Variants in LRIG2 observed in about 807,000 individuals in gnomAD.
The protein encoded by LRIG2 is leucine-rich repeats and immunoglobulin-like domains protein 2.
Under a neutral mutation model 107.8 loss-of-function variants are expected in LRIG2, and 93 were observed. The observed-to-expected ratio is 0.86, with a 90% CI of 0.73 to 1.03. The LOEUF is 1.03. Among genes scored for constraint, LRIG2 ranks in the 50% least tolerant of loss-of-function variants. The probability of loss-of-function intolerance (pLI) is 0.00; values close to 1 mark genes in which losing one functional copy is unlikely to be tolerated. For missense variants in LRIG2, 1,226 were observed against 1,296.0 expected, an observed-to-expected ratio of 0.95 and a Z score of 0.83; for synonymous variants, 471 against 470.6, an observed-to-expected ratio of 1.00 and a Z score of -0.01.
chr1:113,108,939 T>A (rs1330504817), intron 12 of LRIG2, among the ~76,000 whole-genome samples: 1 of 152,194 alleles, frequency 6.6e-6, no homozygotes, highest in African/African-American at 2.4e-5. Flanking sequence ...ATAGGAGAAC[T>A]TTTAGATCAG....
intron 11 of LRIG2, among the ~76,000 whole-genome samples, chr1:113,104,537 A>AGAT (rs1303524200): frequency 2.1e-5 from 3 of 143,304 alleles, no homozygotes; most frequent in Non-Finnish European, 4.5e-5. Flanking sequence ...TTTTTTTTTG[A>AGAT]GATGGAGTCT....
chr1:113,107,687 A>T lies in LRIG2; in HGVS notation c.1407A>T (p.Val469=). The T allele has an allele frequency of 1.2e-6, 2 of 1,613,690 alleles. No homozygotes were observed. The highest frequency in any genetic ancestry group is 2.2e-5 in the South Asian group (2 of 91,040). ...ATAACTTTCAACATTCTGTGAATGT[A>T]AGCTGTGCACACCCTGAATGGCTAG... ...VDNNFQHSVN[V]SCAHPEWLAG... is the part of the protein sequence containing the mutation. Residue 469 remains valine (V), a synonymous_variant, in exon 12 of 18, where the codon GTA becomes GTT. Coordinates refer to ENST00000361127, the MANE Select transcript of LRIG2 (RefSeq NM_014813.3).
At chr1:113,106,943 T>G (rs1654565849) in intron 11 of LRIG2, among the ~76,000 whole-genome samples, 1 of 152,156 alleles carries the variant, frequency 6.6e-6, no homozygotes, top group African/African-American at 2.4e-5. Context: ...CCTCAAAAAT[T>G]TAAAGGAAGG....
intron 2 of LRIG2, among the ~76,000 whole-genome samples, chr1:113,091,832 T>G (rs1185684055): frequency 6.6e-6 from 1 of 152,252 alleles, no homozygotes; most frequent in Non-Finnish European, 1.5e-5. Flanking sequence ...GTTTTTCTCT[T>G]AACTAAAGTT....
Position 113,100,275 on chromosome 1 carries a change from G to T in LRIG2, c.1237G>T (p.Glu413Ter), listed in dbSNP as rs1399525051. ...KKAFIGLESL[E>*]HLDLNNNAIM... is the part of the protein sequence containing the mutation. ...AGCATTCATTGGTCTTGAATCCCTT[G>T]AGCATCTGTAAGTATTTTGCATACA... The change falls in exon 10 of 18, where the codon GAG becomes TAG. Residue 413 changes from glutamate to a stop codon, truncating the protein, a stop_gained. Transcript: ENST00000361127. LOFTEE classifies it high-confidence loss of function. The T allele has an allele frequency of 5.0e-6, 8 of 1,587,844 alleles. No individual in the cohort carries two copies. The highest frequency in any genetic ancestry group is 1.3e-5 in the African/African-American group (1 of 74,466).
intron 1 of LRIG2, among the ~76,000 whole-genome samples, chr1:113,084,213 C>T (rs199521999): frequency 1.3e-4 from 16 of 120,886 alleles, no homozygotes; most frequent in East Asian, 7.4e-4. Context: ...TTACTTAATT[C>T]TTTTTTTTTT....
rs1243012443 is a variant in LRIG2, at chr1:113,095,923, G to A, written c.853G>A (p.Gly285Ser). 1 of 1,614,226 alleles carries A rather than the reference G, an allele frequency of 6.2e-7. No homozygotes were observed. Among genetic ancestry groups the A allele is most frequent in the Non-Finnish European group, 8.5e-7 (1 of 1,180,040 alleles). Residue 285 changes from glycine to serine, a missense_variant, in exon 7 of 18, where the codon GGC becomes AGC. Around this residue, in one of 3 missense-constraint regions of LRIG2, gnomAD observed 570 missense variants for 550.2 expected, o/e 1.04. Transcript: ENST00000361127. ...ACGAGTAAACAAGGGGTGGTTGTAT[G>A]GCTTGCGAATGTTACAGCAGCTCTA... is the stretch of plus-strand genomic sequence containing the variant. ...LTRVNKGWLY[G>S]LRMLQQLYVS...
intron 13 of LRIG2, among the ~76,000 whole-genome samples, chr1:113,111,769 T>G (rs1163852402): frequency 2.0e-5 from 3 of 152,118 alleles, no homozygotes; most frequent in Non-Finnish European, 4.4e-5. Flanking sequence ...AGGCATAAGT[T>G]TTTTTAGCAT....
intron 8 of LRIG2, among the ~76,000 whole-genome samples, chr1:113,097,857 T>C (rs1654134026): frequency 6.6e-6 from 1 of 152,186 alleles, no homozygotes; most frequent in South Asian, 2.1e-4. Context: ...AGTTGAGCCA[T>C]TGGTTCTTTC....
Position 113,114,522 on chromosome 1 carries a change from C to T in LRIG2, c.2176C>T (p.Arg726Cys), listed in dbSNP as rs1460137687. Reference sequence around the variant, plus strand: ...CATAGCTGGAGGGAGTCCTGCCCCTCGTCTCAACTGGACTAAAGATGATGG... The same window carrying T: ...CATAGCTGGAGGGAGTCCTGCCCCTTGTCTCAACTGGACTAAAGATGATGG... ...QCIAGGSPAPRLNWTKDDGPL... is the reference protein window; with the variant it reads ...QCIAGGSPAPCLNWTKDDGPL... Residue 726 changes from arginine (R) to cysteine (C), a missense_variant, in exon 15 of 18, where the codon CGT becomes TGT. Arg to Cys is a radical substitution (Grantham distance 180). Coordinates refer to ENST00000361127, the MANE Select transcript of LRIG2 (RefSeq NM_014813.3). 3.7e-6 allele frequency: 6 copies of T among 1,613,864 alleles called. No individual in the cohort carries two copies. The highest frequency in any genetic ancestry group is 2.7e-5 in the African/African-American group (2 of 74,858).
At chr1:113,074,645 A>G (rs774558170) in intron 1 of LRIG2, among the ~76,000 whole-genome samples, 5 of 152,194 alleles carry the variant, frequency 3.3e-5, no homozygotes, top group Non-Finnish European at 5.9e-5. Flanking sequence ...GCGGTGGCTC[A>G]CGCCTGTAAT....
At chr1:113,113,506 A>G (rs1421473099) in intron 14 of LRIG2, among the ~76,000 whole-genome samples, 2 of 149,830 alleles carry the variant, frequency 1.3e-5, no homozygotes. Flanking sequence ...GTTTACTTGT[A>G]TAACCAGAAA....
At position 113,124,398 on chromosome 1, in the gene LRIG2, G is replaced by C. The variant is rs1655402375; in HGVS notation, c.*297G>C. 1.7e-5 allele frequency: 7 copies of C among 422,494 alleles called. No individual in the cohort carries two copies. In the South Asian group the frequency reaches 1.7e-4, roughly 10 times the overall value. 26.2% of individuals were successfully genotyped at this position (422,494 alleles called of 1,614,324 possible). A position where few individuals can be genotyped will look rare whatever the true frequency, so the allele number is the denominator to read the frequency against. ...GATGTGCCCTGGTGTGCATCTGCTT[G>C]TCAGGAAGAGTCACATTGCTGCTTA... On this transcript the variant is annotated 3_prime_UTR_variant, in exon 18 of 18. Transcript: ENST00000361127.
At chr1:113,110,002 C>T (rs766275379) in intron 12 of LRIG2, among the ~76,000 whole-genome samples, 1 of 152,110 alleles carries the variant, frequency 6.6e-6, no homozygotes, top group Non-Finnish European at 1.5e-5. Flanking sequence ...GTCAGGAAAC[C>T]TGAGTTCCAA....
In LRIG2 at chr1:113,105,666, TACTCAG is replaced by T. The variant is rs1367353188; in HGVS notation, c.1314-1926_1314-1921del. On this transcript the variant is annotated intron_variant, in intron 11 of 17. Coordinates refer to ENST00000361127, the MANE Select transcript of LRIG2 (RefSeq NM_014813.3). ...GGTGGCTCATGCCTGTAATCCCAGATACTCAGAAAGCTCAGGTGGGAGGATCCTCTG... is the reference window on the plus strand; with the variant it reads ...GGTGGCTCATGCCTGTAATCCCAGATAAAGCTCAGGTGGGAGGATCCTCTG... Among the ~76,000 whole-genome samples, 12 of 151,988 alleles carry T rather than the reference TACTCAG, an allele frequency of 7.9e-5. No individual in the cohort carries two copies. The South Asian group carries it at 2.5e-3, about 32-fold the overall frequency.
intron 6 of LRIG2, among the ~76,000 whole-genome samples, chr1:113,095,083 C>G (rs1653997803): frequency 6.6e-6 from 1 of 151,512 alleles, no homozygotes; most frequent in Non-Finnish European, 1.5e-5. Flanking sequence ...AGTGACTCTC[C>G]TGTCTCAGCC....
chr1:113,074,933 A>T (rs1350501819), intron 1 of LRIG2, among the ~76,000 whole-genome samples: 1 of 134,172 alleles, frequency 7.5e-6, no homozygotes, highest in African/African-American at 2.8e-5. Flanking sequence ...GGGGAGGAAG[A>T]GGGGCCGGGT....
At chr1:113,115,489 G>T (rs778460442) in intron 15 of LRIG2, among the ~76,000 whole-genome samples, 1 of 151,966 alleles carries the variant, frequency 6.6e-6, no homozygotes, top group African/African-American at 2.4e-5. Context: ...GGGATTACAG[G>T]CATGAGCCAC....
At chr1:113,108,474 T>G (rs1164041347) in intron 12 of LRIG2, among the ~76,000 whole-genome samples, 2 of 151,820 alleles carry the variant, frequency 1.3e-5, no homozygotes, top group African/African-American at 4.8e-5. Context: ...TCTGCCTGCC[T>G]CTGCCTCCCA....
Sources: allele counts gnomAD v4.1 joint callset (sites outside exome capture counted in the v4.1 genomes callset), GRCh38; gene constraint gnomAD v4.1.1; regional missense constraint gnomAD v4.1.1; transcripts MANE v1.5; gene names NCBI Gene and HGNC (gene_info 2026-07-23, HGNC 2026-07-21).